Variants in ETFA observed in about 807,000 individuals in gnomAD.
ETFA encodes the protein electron transfer flavoprotein subunit alpha, mitochondrial.
In ETFA, 22 loss-of-function variants were observed where a neutral mutation model predicts 46.2. The observed-to-expected ratio is 0.48, with a 90% confidence interval of 0.34 to 0.68. The LOEUF (loss-of-function observed/expected upper bound fraction) is 0.68, where lower values mean the gene tolerates loss of function less well. Ranked by LOEUF, ETFA falls within the 30% of genes least tolerant of loss-of-function variation. The probability of loss-of-function intolerance (pLI) is 0.01; values close to 1 mark genes in which losing one functional copy is unlikely to be tolerated. For missense variants in ETFA, 345 were observed against 401.1 expected (o/e 0.86, Z 1.19); for synonymous variants, 131 against 139.9 (o/e 0.94, Z 0.45).
chr15:76,270,847 T>G (rs936499342), intron 9 of ETFA, among the ~76,000 whole-genome samples: 1 of 152,024 alleles, frequency 6.6e-6, no homozygotes, highest in Non-Finnish European at 1.5e-5. Flanking sequence ...GTACCATAAG[T>G]CCATACTGAT....
chr15:76,292,664 T>C lies in ETFA; in HGVS notation c.223A>G (p.Lys75Glu). ...ACATCATGCTGAGCCACCAGAACTT[T>C]TGCTATGCCTGCTACTTTACAGAGA... ...QDLCKVAGIA[K>E]VLVAQHDVYK... Residue 75 changes from lysine (K) to glutamate (E), a missense_variant, in exon 3 of 12, where the codon AAA (lysine) becomes GAA (glutamate). Transcript: ENST00000557943. 4 of 1,613,866 alleles carry C rather than the reference T, an allele frequency of 2.5e-6. No homozygotes were observed. In the South Asian group the frequency reaches 4.4e-5, roughly 18 times the overall value.
At chr15:76,286,021 T>A (rs1341444565) in intron 6 of ETFA, among the ~76,000 whole-genome samples, 2 of 152,194 alleles carry the variant, frequency 1.3e-5, no homozygotes, top group South Asian at 2.1e-4. Flanking sequence ...ACACTATATA[T>A]GTTAAAGTGT....
chr15:76,257,156 C>A (rs1385004111), intron 9 of ETFA, among the ~76,000 whole-genome samples: 1 of 152,188 alleles, frequency 6.6e-6, no homozygotes, highest in Non-Finnish European at 1.5e-5. Flanking sequence ...GGACCCGCCC[C>A]ATGCATTCCA....
chr15:76,265,259 ACT>A (rs1309338078), intron 9 of ETFA, among the ~76,000 whole-genome samples: 2 of 152,068 alleles, frequency 1.3e-5, no homozygotes, highest in Non-Finnish European at 2.9e-5. Flanking sequence ...GGAATAATTG[ACT>A]CTGATCATAC....
At chr15:76,291,675 C>CG (rs1254961773) in intron 4 of ETFA, among the ~76,000 whole-genome samples, 4 of 151,840 alleles carry the variant, frequency 2.6e-5, no homozygotes, top group Non-Finnish European at 5.9e-5. Context: ...GCGTGAACCC[C>CG]GGGGGGCGGA....
At chr15:76,273,586 A>AC (rs199506514) in intron 9 of ETFA, among the ~76,000 whole-genome samples, 4 of 151,202 alleles carry the variant, frequency 2.6e-5, no homozygotes, top group African/African-American at 9.7e-5. Context: ...ACAAAACAAA[A>AC]AAAACTTCAA....
At chr15:76,299,422 C>T (rs1205265905) in intron 1 of ETFA, among the ~76,000 whole-genome samples, 2 of 152,002 alleles carry the variant, frequency 1.3e-5, no homozygotes, top group Admixed American at 6.6e-5. Context: ...TCGCTGGGAC[C>T]ACAGGTACAC....
chr15:76,241,783 CAG>C (rs1219012800), intron 9 of ETFA, among the ~76,000 whole-genome samples: 22 of 105,320 alleles, frequency 2.1e-4, no homozygotes, highest in African/African-American at 5.5e-4. Flanking sequence ...GCCTGGGCGA[CAG>C]AGTGAGACTC....
intron 11 of ETFA, among the ~76,000 whole-genome samples, chr15:76,221,410 G>T (rs2038955222): frequency 6.6e-6 from 1 of 152,176 alleles, no homozygotes; most frequent in East Asian, 1.9e-4. Context: ...GTGTGATAGT[G>T]GTTGTGTAAC....
intron 9 of ETFA, 32 bp downstream of exon 9, chr15:76,274,380 T>C (rs989563239): frequency 1.3e-6 from 2 of 1,497,586 alleles, no homozygotes; most frequent in Admixed American, 3.6e-5. Context: ...CCCCATAACA[T>C]TTTACACAGC....
intron 9 of ETFA, among the ~76,000 whole-genome samples, chr15:76,247,406 A>G (rs1596198156): frequency 6.6e-6 from 1 of 152,330 alleles, no homozygotes; most frequent in South Asian, 2.1e-4. Flanking sequence ...ACTGCAGACA[A>G]TGGTTCACAG....
At chr15:76,228,097 A>G in intron 10 of ETFA, 1 of 392,314 alleles carries the variant, frequency 2.5e-6, no homozygotes, top group East Asian at 7.2e-5. Context: ...TTAGTTATTG[A>G]TGGTAAATTA....
chr15:76,283,889 C>G (rs2039679918), intron 7 of ETFA, 64 bp from the exon 8 acceptor site: 2 of 1,231,506 alleles, frequency 1.6e-6, no homozygotes, highest in Admixed American at 3.6e-5. Flanking sequence ...AACAATTTTG[C>G]TATTTTATAT....
At chr15:76,267,650 A>G (rs1365143917) in intron 9 of ETFA, among the ~76,000 whole-genome samples, 1 of 152,238 alleles carries the variant, frequency 6.6e-6, no homozygotes, top group Non-Finnish European at 1.5e-5. Context: ...CCTACTTTAA[A>G]AACTCACATA....
In ETFA at chr15:76,288,305, T is replaced by C. The variant is rs369909763; in HGVS notation, c.352-360A>G. On this transcript the variant is annotated intron_variant, in intron 4 of 11. Transcript: ENST00000557943. ...AGATAGAACAAATTTAGAAGGGTGG[T>C]AAAATTCTCAAATACTGAAAAAGAT... 2.4e-4 allele frequency among the ~76,000 whole-genome samples: 37 copies of C among 152,290 alleles called. 2 individuals carry two copies. The South Asian group carries it at 7.7e-3, about 32-fold the overall frequency.
intron 9 of ETFA, chr15:76,259,897 G>A: frequency 8.0e-7 from 1 of 1,252,410 alleles, no homozygotes; most frequent in Non-Finnish European, 1.2e-6. Flanking sequence ...AGGGCAAGAT[G>A]ACCACGGGGA....
At chr15:76,272,648 G>A (rs2039549240) in intron 9 of ETFA, among the ~76,000 whole-genome samples, 1 of 151,942 alleles carries the variant, frequency 6.6e-6, no homozygotes, top group Non-Finnish European at 1.5e-5. Context: ...GTGCCAGTCA[G>A]GCATGGTGGC....
chr15:76,310,381 A>AAAAAAAAAAAAAAG (rs2039984666), intron 1 of ETFA, among the ~76,000 whole-genome samples: 1 of 150,810 alleles, frequency 6.6e-6, no homozygotes. Context: ...AAAAAAAAAA[A>AAAAAAAAAAAAAAG]AAAAAAAAAA....
At chr15:76,216,726 C>T in intron 11 of ETFA, 129 bp from the exon 12 acceptor site, 1 of 688,312 alleles carries the variant, frequency 1.5e-6, no homozygotes, top group Non-Finnish European at 2.6e-6. Flanking sequence ...GGGCCCCCTC[C>T]TCTCCACCAG....
Sources: allele counts gnomAD v4.1 joint callset (sites outside exome capture counted in the v4.1 genomes callset), GRCh38; gene constraint gnomAD v4.1.1; transcripts MANE v1.5; gene names NCBI Gene and HGNC (gene_info 2026-07-23, HGNC 2026-07-21).